UBXN2B: variants seen among roughly 807,000 people sequenced by gnomAD.
The protein encoded by UBXN2B is UBX domain-containing protein 2B.
A neutral mutation model predicts 37.5 loss-of-function variants in UBXN2B; 19 were observed. That is an observed-to-expected ratio of 0.51 (90% CI 0.35 to 0.74). The LOEUF (loss-of-function observed/expected upper bound fraction) is 0.74, where lower values mean the gene tolerates loss of function less well. Among genes scored for constraint, UBXN2B ranks in the 30% least tolerant of loss-of-function variants. UBXN2B has a pLI of 0.01. For synonymous variants in UBXN2B, 145 were observed against 143.8 expected, an observed-to-expected ratio of 1.01 and a Z score of -0.06; for missense variants, 370 against 393.2, an observed-to-expected ratio of 0.94 and a Z score of 0.50.
At chr8:58,434,348 A>AATAT (rs34843413) in intron 4 of UBXN2B, 47 bp from the exon 5 acceptor site, 11 of 385,078 alleles carry the variant, frequency 2.9e-5, no homozygotes, top group Non-Finnish European at 4.4e-5. Context: ...TGTATATGTG[A>AATAT]ATATATATAT....
chr8:58,430,055 T>C (rs1401462599), intron 2 of UBXN2B, among the ~76,000 whole-genome samples: 1 of 152,234 alleles, frequency 6.6e-6, no homozygotes, highest in Non-Finnish European at 1.5e-5. Context: ...ATAAATCCTC[T>C]CTAGATAACC....
At chr8:58,412,330 A>G (rs1302064044) in intron 1 of UBXN2B, among the ~76,000 whole-genome samples, 1 of 152,218 alleles carries the variant, frequency 6.6e-6, no homozygotes, top group Non-Finnish European at 1.5e-5. Context: ...AAGGACATCA[A>G]ATCCTTAGTC....
In UBXN2B at chr8:58,430,656, A is replaced by C. The variant is rs182035809; in HGVS notation, c.326A>C (p.Asp109Ala). 3.5e-4 allele frequency: 549 copies of C among 1,565,942 alleles called. 4 individuals carry two copies. The African/African-American group carries it at 6.5e-3, about 19-fold the overall frequency. The change falls in exon 3 of 8, where the codon GAT becomes GCT. Residue 109 changes from aspartate (D) to alanine (A), a missense_variant. By Grantham distance (126) the Asp-to-Ala change is moderately radical. Transcript: ENST00000399598. The part of the protein sequence containing the change: ...PLNEATRASG[D>A]DKSKSFTGGG... The stretch of plus-strand genomic sequence containing the variant: ...AATGAAGCCACAAGAGCTTCAGGTG[A>C]TGATAAATCTAAGGTCAGTGCTCAA...
chr8:58,447,488 T>G lies in UBXN2B; in HGVS notation c.933T>G (p.Asp311Glu). The change falls in exon 8 of 8, where the codon GAT (aspartate) becomes GAG (glutamate). Residue 311 changes from aspartate to glutamate, a missense_variant. Physicochemically the swap from Asp to Glu is conservative, Grantham distance 45. This residue lies in a region of UBXN2B where 83 missense variants were observed against 83.5 expected (regional missense o/e 0.99). Coordinates refer to ENST00000399598, the MANE Select transcript of UBXN2B (RefSeq NM_001077619.2). ...CATTTCCGAATAAAGAGCTAACAGA[T>G]GAAAGCCTGACACTGCTAGAAGCAG... is the stretch of plus-strand genomic sequence containing the variant. ...VTSFPNKELT[D>E]ESLTLLEADI... 1 of 1,613,514 alleles carries G rather than the reference T, an allele frequency of 6.2e-7. No individual in the cohort carries two copies. Among genetic ancestry groups the G allele is most frequent in the Non-Finnish European group, 8.5e-7 (1 of 1,179,622 alleles).
At chr8:58,435,216 A>T in intron 5 of UBXN2B, 6 of 1,024,418 alleles carry the variant, frequency 5.9e-6, no homozygotes, top group Non-Finnish European at 6.3e-6. Context: ...GTATATAACC[A>T]GAGTTATATA....
rs778252916 is a variant in UBXN2B at position 58,430,591 on chromosome 8, A to G, written c.261A>G (p.Glu87=). 2.2e-5 allele frequency: 35 copies of G among 1,605,870 alleles called. No individual in the cohort carries two copies. The East Asian group carries it at 5.8e-4, about 27-fold the overall frequency. The change falls in exon 3 of 8, where the codon GAA becomes GAG. Residue 87 remains glutamate, a synonymous_variant. Coordinates refer to ENST00000399598, the MANE Select transcript of UBXN2B (RefSeq NM_001077619.2). Reference sequence around the variant, plus strand: ...CTTCAACTGGGAAAATTGTGAATGAACTTTTCAAAGAGGCAAGGGAACATG... The same window carrying G: ...CTTCAACTGGGAAAATTGTGAATGAGCTTTTCAAAGAGGCAAGGGAACATG... The part of the protein sequence containing the change: ...VRPSTGKIVN[E]LFKEAREHGA...
At chr8:58,428,488 T>C (rs1808162513) in intron 2 of UBXN2B, among the ~76,000 whole-genome samples, 1 of 152,244 alleles carries the variant, frequency 6.6e-6, no homozygotes, top group African/African-American at 2.4e-5. Flanking sequence ...ATTTTGATGT[T>C]TTCCTCCTGT....
At chr8:58,444,075 C>T (rs1808615540) in intron 6 of UBXN2B, among the ~76,000 whole-genome samples, 1 of 152,148 alleles carries the variant, frequency 6.6e-6, no homozygotes, top group South Asian at 2.1e-4. Flanking sequence ...CTTCCCCATC[C>T]TCCATTTTCT....
chr8:58,432,434 G>A (rs1039336861), intron 3 of UBXN2B, among the ~76,000 whole-genome samples: 2 of 143,600 alleles, frequency 1.4e-5, no homozygotes, highest in African/African-American at 5.3e-5. Flanking sequence ...CCAGGCTGGA[G>A]TGCAGTGGCA....
rs749636814 is a variant in UBXN2B at position 58,430,594 on chromosome 8, T to C, written c.264T>C (p.Leu88=). The C allele has an allele frequency of 1.2e-6, 2 of 1,605,924 alleles. No homozygotes were observed. The highest frequency in any genetic ancestry group is 1.7e-6 in the Non-Finnish European group (2 of 1,175,432). ...CAACTGGGAAAATTGTGAATGAACT[T>C]TTCAAAGAGGCAAGGGAACATGGGG... ...RPSTGKIVNE[L]FKEAREHGAV... Residue 88 remains leucine, a synonymous_variant, in exon 3 of 8, where the codon CTT becomes CTC. Coordinates refer to ENST00000399598, the MANE Select transcript of UBXN2B (RefSeq NM_001077619.2).
chr8:58,419,278 G>A (rs1320998101), intron 2 of UBXN2B, among the ~76,000 whole-genome samples: 1 of 151,922 alleles, frequency 6.6e-6, no homozygotes, highest in Non-Finnish European at 1.5e-5. Context: ...ATTCAATATC[G>A]AAATTTTCCC....
intron 1 of UBXN2B, among the ~76,000 whole-genome samples, chr8:58,414,257 T>C (rs1807714653): frequency 6.6e-6 from 1 of 152,114 alleles, no homozygotes; most frequent in Non-Finnish European, 1.5e-5. Flanking sequence ...TGCTGGGCCC[T>C]ACCCCAGAGT....
At chr8:58,431,757 A>T (rs1006963448) in intron 3 of UBXN2B, among the ~76,000 whole-genome samples, 1 of 152,150 alleles carries the variant, frequency 6.6e-6, no homozygotes, top group Non-Finnish European at 1.5e-5. Context: ...AGCCATTTTG[A>T]TGGGTGTATA....
chr8:58,413,744 T>C (rs749729038), intron 1 of UBXN2B, among the ~76,000 whole-genome samples: 1 of 151,994 alleles, frequency 6.6e-6, no homozygotes, highest in Non-Finnish European at 1.5e-5. Flanking sequence ...AGCCCCCAGG[T>C]TACAAACTGC....
intron 5 of UBXN2B, chr8:58,435,014 A>G (rs1010126353): frequency 2.3e-5 from 35 of 1,504,846 alleles, no homozygotes; most frequent in Non-Finnish European, 2.9e-5. Flanking sequence ...CATCCAAAGA[A>G]CATTGTAACT....
chr8:58,411,606 C>T (rs1410429427), intron 1 of UBXN2B, 137 bp downstream of exon 1: 3 of 657,626 alleles, frequency 4.6e-6, no homozygotes, highest in Non-Finnish European at 6.5e-6. Context: ...ATCCGGCGCC[C>T]GGTCTCCCGA....
intron 6 of UBXN2B, among the ~76,000 whole-genome samples, chr8:58,441,144 G>A (rs1363441778): frequency 4.0e-5 from 6 of 151,298 alleles, no homozygotes; most frequent in East Asian, 1.9e-4. Flanking sequence ...ACTGCCGAGC[G>A]CAGCTCATTT....
intron 1 of UBXN2B, among the ~76,000 whole-genome samples, chr8:58,413,803 C>T (rs183882286): frequency 1.3e-5 from 2 of 152,264 alleles, no homozygotes; most frequent in East Asian, 3.9e-4. Context: ...TCATAGCTCC[C>T]TTCATCCCCC....
At chr8:58,446,984 G>A (rs1808695524) in intron 7 of UBXN2B, among the ~76,000 whole-genome samples, 1 of 151,402 alleles carries the variant, frequency 6.6e-6, no homozygotes, top group South Asian at 2.1e-4. Flanking sequence ...TTTTAGTAGA[G>A]ACGGGGTTTT....
Sources: gnomAD v4.1 joint callset for allele counts (sites outside exome capture counted in the v4.1 genomes callset) on GRCh38, gnomAD v4.1.1 for gene constraint, gnomAD v4.1.1 regional missense constraint, MANE v1.5 for transcripts, NCBI Gene and HGNC (gene_info 2026-07-23, HGNC 2026-07-21) for gene names.